Variants in DNAJC2 observed in about 807,000 individuals in gnomAD.
DNAJC2 encodes dnaJ homolog subfamily C member 2.
A neutral mutation model predicts 94.0 loss-of-function variants in DNAJC2; 32 were observed. The observed-to-expected ratio is 0.34, with a 90% CI of 0.26 to 0.46. The LOEUF is 0.46. DNAJC2 is among the 20% of genes least tolerant of loss of function. The pLI, the probability that DNAJC2 is intolerant of heterozygous loss-of-function variation, is 1.00. For synonymous variants in DNAJC2, 210 were observed against 229.7 expected, an observed-to-expected ratio of 0.91 and a Z score of 0.77; for missense variants, 550 against 719.5, an observed-to-expected ratio of 0.76 and a Z score of 2.69.
chr7:103,313,063 GTTC>G lies in DNAJC2; in HGVS notation c.1672_1674del (p.Glu558del). ...TTCAAAGCTTGTTCCAAAAGCTTCTGTTCTTCTGTTGTCCAAGGGGTGAAGTCT... is the reference window on the plus strand; with the variant it reads ...TTCAAAGCTTGTTCCAAAAGCTTCTGTTCTGTTGTCCAAGGGGTGAAGTCT... On this transcript the variant is annotated inframe_deletion, in exon 16 of 17. Coordinates refer to ENST00000379263, the MANE Select transcript of DNAJC2 (RefSeq NM_014377.3). 1 of 1,613,900 alleles carries G rather than the reference GTTC, an allele frequency of 6.2e-7. No individual in the cohort carries two copies. Among genetic ancestry groups the G allele is most frequent in the Non-Finnish European group, 8.5e-7 (1 of 1,179,920 alleles).
At chr7:103,325,901 G>A (rs763203943) in intron 5 of DNAJC2, among the ~76,000 whole-genome samples, 5 of 152,242 alleles carry the variant, frequency 3.3e-5, no homozygotes, top group African/African-American at 4.8e-5. Context: ...GTAGTATACC[G>A]ATTGATAAAG....
In DNAJC2 at chr7:103,319,860, CA is replaced by C. The variant is rs777361207; in HGVS notation, c.1084-17del. ...GATTCCAGGTCTAAAAGCACAAACA[CA>C]AAAATAGTATCTACACTCAAAAATA... is the stretch of plus-strand genomic sequence containing the variant. On this transcript the variant is annotated splice_polypyrimidine_tract_variant and intron_variant, in intron 10 of 16. Transcript: ENST00000379263. 6.2e-7 allele frequency: 1 copy of C among 1,612,682 alleles called. No homozygotes were observed. The highest frequency in any genetic ancestry group is 8.5e-7 in the Non-Finnish European group (1 of 1,179,086).
chr7:103,338,792 C>T (rs1819272092), intron 2 of DNAJC2, among the ~76,000 whole-genome samples: 1 of 151,940 alleles, frequency 6.6e-6, no homozygotes, highest in South Asian at 2.1e-4. Flanking sequence ...CACCTGTAAT[C>T]CCAGCTACTC....
chr7:103,320,496 T>G (rs1334710469), intron 10 of DNAJC2, among the ~76,000 whole-genome samples: 1 of 152,010 alleles, frequency 6.6e-6, no homozygotes, highest in Non-Finnish European at 1.5e-5. Context: ...CAAGTTAATA[T>G]TCTAAAACTG....
At position 103,312,376 on chromosome 7, in the gene DNAJC2, G is replaced by A; in HGVS notation, c.*193C>T. 1.3e-6 allele frequency: 2 copies of A among 1,542,516 alleles called. No individual in the cohort carries two copies. The highest frequency in any genetic ancestry group is 1.7e-6 in the Non-Finnish European group (2 of 1,153,088). On this transcript the variant is annotated 3_prime_UTR_variant, in exon 17 of 17. Coordinates refer to ENST00000379263, the MANE Select transcript of DNAJC2 (RefSeq NM_014377.3). ...CATTTGGAAATTTGAATTAAATACTGTATCATACTTTCAAAGGATAAAAAG... is the reference window on the plus strand; with the variant it reads ...CATTTGGAAATTTGAATTAAATACTATATCATACTTTCAAAGGATAAAAAG...
rs566401166 is a variant in DNAJC2, at chr7:103,324,734, C to A, written c.573-172G>T. The A allele has an allele frequency of 8.4e-5, 47 of 562,328 alleles. 1 individual carries two copies. The highest frequency in any genetic ancestry group is 7.9e-4 in the African/African-American group (40 of 50,948). The allele number at this position is 562,328 out of a possible 1,614,324, so 34.8% of individuals were successfully genotyped here. On this transcript the variant is annotated intron_variant, in intron 5 of 16. Transcript: ENST00000379263. ...GGAAGGTCAGCAGTGGGGCATGAAA[C>A]AATGCAGGTGTGCGAAAAGTGAGGC...
intron 3 of DNAJC2, chr7:103,335,858 T>C (rs1269482983): frequency 6.6e-6 from 1 of 152,294 alleles, no homozygotes; most frequent in Non-Finnish European, 1.5e-5. Context: ...AATCAATTTC[T>C]ACAAGGCCAA....
intron 6 of DNAJC2, 82 bp downstream of exon 6, chr7:103,324,396 GAATT>G (rs1388667076): frequency 1.7e-6 from 2 of 1,203,398 alleles, no homozygotes; most frequent in African/African-American, 1.6e-5. Context: ...TTGTCCATCT[GAATT>G]AATTTATAAA....
chr7:103,338,969 C>G (rs537353492), intron 2 of DNAJC2, among the ~76,000 whole-genome samples: 3 of 152,056 alleles, frequency 2.0e-5, no homozygotes, highest in Admixed American at 6.5e-5. Context: ...TATTATACAG[C>G]CTCCTTGATG....
chr7:103,332,412 GATTAC>G lies in DNAJC2; in HGVS notation c.332-4663_332-4659del, dbSNP rs372054234. 3.8e-3 allele frequency among the ~76,000 whole-genome samples: 572 copies of G among 152,254 alleles called. 4 individuals carry two copies. Among genetic ancestry groups the G allele is most frequent in the African/African-American group, 0.014 (563 of 41,550 alleles). On this transcript the variant is annotated intron_variant, in intron 3 of 16. Coordinates refer to ENST00000379263, the MANE Select transcript of DNAJC2 (RefSeq NM_014377.3). ...CTCTTTGCTAGGTTTTGCATACTCA[GATTAC>G]ATTAAACTTTACAACTTAACAAAAT...
At chr7:103,314,547 G>A (rs1305108586) in intron 15 of DNAJC2, 9 of 985,258 alleles carry the variant, frequency 9.1e-6, no homozygotes, top group Non-Finnish European at 1.1e-5. Flanking sequence ...GCTGAGACTA[G>A]TGTGCTAATA....
intron 5 of DNAJC2, among the ~76,000 whole-genome samples, chr7:103,325,547 T>C (rs1818661426): frequency 6.6e-6 from 1 of 151,996 alleles, no homozygotes; most frequent in South Asian, 2.1e-4. Flanking sequence ...TTCTCAAATT[T>C]GGCTGCACAG....
intron 3 of DNAJC2, chr7:103,335,491 C>T (rs1384154705): frequency 6.6e-6 from 1 of 151,312 alleles, no homozygotes; most frequent in Non-Finnish European, 1.5e-5. Context: ...AAATTTTTGG[C>T]TAGAGAATAC....
At chr7:103,319,458 GAA>G (rs1818260461) in intron 12 of DNAJC2, 149 bp downstream of exon 12, 2 of 830,680 alleles carry the variant, frequency 2.4e-6, no homozygotes. Context: ...CCAAAAAACC[GAA>G]CACATAAAAC....
intron 6 of DNAJC2, 82 bp from the exon 7 acceptor site, chr7:103,323,745 T>A: frequency 2.8e-6 from 3 of 1,070,350 alleles, no homozygotes; most frequent in Non-Finnish European, 3.8e-6. Context: ...TGAATTTGTT[T>A]TAATGGATAC....
At chr7:103,329,169 TTAA>T (rs1381661319) in intron 3 of DNAJC2, 1 of 333,930 alleles carries the variant, frequency 3.0e-6, no homozygotes, top group Non-Finnish European at 5.7e-6. Context: ...TCACTTACAA[TTAA>T]TAATGCTAGC....
rs778814775 is a variant in DNAJC2, at chr7:103,328,903, T to C, written c.332-1149A>G. Reference sequence around the variant, plus strand: ...TGAATAATTTTAAATGTAAGTGTTTTTCCTTATTTAGGATTCTTTCTTCTT... The same window carrying C: ...TGAATAATTTTAAATGTAAGTGTTTCTCCTTATTTAGGATTCTTTCTTCTT... On this transcript the variant is annotated intron_variant, in intron 3 of 16. Coordinates refer to ENST00000379263, the MANE Select transcript of DNAJC2 (RefSeq NM_014377.3). 8 of 752,904 alleles carry C rather than the reference T, an allele frequency of 1.1e-5. No homozygotes were observed. In the South Asian group the frequency reaches 1.3e-4, roughly 12 times the overall value. 46.6% of individuals were successfully genotyped at this position (752,904 alleles called of 1,614,324 possible).
rs1817798583 is a variant in DNAJC2 at position 103,312,461 on chromosome 7, G to A, written c.*108C>T. On this transcript the variant is annotated 3_prime_UTR_variant, in exon 17 of 17. Transcript: ENST00000379263. ...CAGTCTTTGTTCTCTGAGAAATTAT[G>A]TTGGAAGCAGCATACTTTCAAATTA... The A allele has an allele frequency of 6.5e-7, 1 of 1,535,508 alleles. No individual in the cohort carries two copies. Among genetic ancestry groups the A allele is most frequent in the Non-Finnish European group, 8.7e-7 (1 of 1,149,220 alleles).
chr7:103,328,633 AAAG>A (rs34329185), intron 3 of DNAJC2, among the ~76,000 whole-genome samples: 58 of 152,074 alleles, frequency 3.8e-4, no homozygotes, highest in Middle Eastern at 3.4e-3. Flanking sequence ...TCTGTGTCAA[AAAG>A]AAGAAGAAGA....
Sources: allele counts gnomAD v4.1 joint callset (sites outside exome capture counted in the v4.1 genomes callset), GRCh38; gene constraint gnomAD v4.1.1; transcripts MANE v1.5; gene names NCBI Gene and HGNC (gene_info 2026-07-23, HGNC 2026-07-21).